Variants in NCKAP5 observed in about 807,000 individuals in gnomAD.
NCKAP5 encodes the protein NCK associated protein 5, also known as nck-associated protein 5.
Under a neutral mutation model 167.0 loss-of-function variants are expected in NCKAP5, and 92 were observed. The ratio of observed to expected loss-of-function variants is 0.55; its 90% CI spans 0.47 to 0.66. The LOEUF is 0.66. Ranked by LOEUF, NCKAP5 falls within the 30% of genes least tolerant of loss-of-function variation. The pLI is 0.00. For missense variants in NCKAP5, 2,378 were observed against 2,315.0 expected, an observed-to-expected ratio of 1.03 and a Z score of -0.56; for synonymous variants, 891 against 877.4, an observed-to-expected ratio of 1.02 and a Z score of -0.27.
intron 19 of NCKAP5, among the ~76,000 whole-genome samples, chr2:132,725,372 G>A (rs1053127937): frequency 6.6e-6 from 1 of 152,184 alleles, no homozygotes; most frequent in Non-Finnish European, 1.5e-5. Context: ...TAACTCAATT[G>A]GAGGCTGTTT....
chr2:132,947,953 C>A (rs1296683075), intron 8 of NCKAP5, among the ~76,000 whole-genome samples: 1 of 152,110 alleles, frequency 6.6e-6, no homozygotes. Flanking sequence ...AAACTTACTA[C>A]CCAAACTCAA....
chr2:133,137,406 T>TTGTGTGTGTGTGTGTGTGTGTG (rs58955655), intron 5 of NCKAP5, among the ~76,000 whole-genome samples: 24 of 136,302 alleles, frequency 1.8e-4, no homozygotes, highest in Non-Finnish European at 3.5e-4. Flanking sequence ...GAGCTTGGTT[T>TTGTGTGTGTGTGTGTGTGTGTG]TGTGTGTGTG....
At chr2:132,689,271 G>T (rs1686407446) in intron 19 of NCKAP5, among the ~76,000 whole-genome samples, 1 of 152,134 alleles carries the variant, frequency 6.6e-6, no homozygotes, top group Admixed American at 6.5e-5. Flanking sequence ...AGGATGAAGG[G>T]GTCAAGGGGA....
intron 12 of NCKAP5, among the ~76,000 whole-genome samples, chr2:132,796,004 A>G (rs962020153): frequency 1.3e-5 from 2 of 152,044 alleles, no homozygotes; most frequent in Non-Finnish European, 2.9e-5. Flanking sequence ...CTGAAATTCA[A>G]TTCAAATCTA....
At chr2:133,376,764 TG>T (rs1220941353) in intron 3 of NCKAP5, among the ~76,000 whole-genome samples, 1 of 152,174 alleles carries the variant, frequency 6.6e-6, no homozygotes, top group African/African-American at 2.4e-5. Context: ...TTGATCACAC[TG>T]GGACTAGAAA....
chr2:133,604,781 T>C, the NCKAP5 span, among the ~76,000 whole-genome samples: 2 of 152,192 alleles, frequency 1.3e-5, no homozygotes, highest in Non-Finnish European at 2.9e-5. Flanking sequence ...CGAGTAGGGC[T>C]AAGACCGGCT....
At position 132,731,899 on chromosome 2, in the gene NCKAP5, C is replaced by T. The variant is rs776846485; in HGVS notation, c.5281G>A (p.Val1761Ile). 1.2e-6 allele frequency: 2 copies of T among 1,613,908 alleles called. No homozygotes were observed. Among genetic ancestry groups the T allele is most frequent in the Admixed American group, 1.7e-5 (1 of 60,018 alleles). The change falls in exon 17 of 20, where the codon GTT becomes ATT. Residue 1761 changes from valine (V) to isoleucine (I), a missense_variant. This residue lies in a region of NCKAP5 where 1,325 missense variants were observed against 1,274.5 expected (regional missense o/e 1.04). Transcript: ENST00000409261. The stretch of plus-strand genomic sequence containing the variant: ...AGGGTTTGGGCTCTCATGGAAGAAA[C>T]TGCAGAAAGGGCTGACTGGAGAGGC... ...LLPLQSALSAVSSMRAQTLER... is the reference protein window; with the variant it reads ...LLPLQSALSAISSMRAQTLER...
intron 4 of NCKAP5, among the ~76,000 whole-genome samples, chr2:133,251,668 T>G (rs1235122012): frequency 6.6e-6 from 1 of 152,194 alleles, no homozygotes; most frequent in Non-Finnish European, 1.5e-5. Flanking sequence ...GATGTGAAGA[T>G]GAGAAAAGCC....
intron 6 of NCKAP5, among the ~76,000 whole-genome samples, chr2:133,084,083 G>A (rs1427882283): frequency 6.6e-6 from 1 of 152,104 alleles, no homozygotes; most frequent in Admixed American, 6.5e-5. Context: ...CGTGGCAGAG[G>A]CTACAGTGTT....
chr2:133,545,780 C>T (rs1686609555), intron 2 of NCKAP5, among the ~76,000 whole-genome samples: 1 of 152,102 alleles, frequency 6.6e-6, no homozygotes, highest in Non-Finnish European at 1.5e-5. Context: ...AGGCAGGATT[C>T]GACAGTCCAA....
intron 5 of NCKAP5, among the ~76,000 whole-genome samples, chr2:133,184,017 A>C (rs925410256): frequency 6.6e-6 from 1 of 151,950 alleles, no homozygotes; most frequent in Non-Finnish European, 1.5e-5. Flanking sequence ...GGGTTTTTAC[A>C]TGGGCATATT....
chr2:132,746,367 C>A (rs1175875690), intron 16 of NCKAP5, among the ~76,000 whole-genome samples: 1 of 151,856 alleles, frequency 6.6e-6, no homozygotes, highest in African/African-American at 2.4e-5. Context: ...AAAGTAAACC[C>A]TTTTCTCACA....
chr2:133,359,784 A>AT (rs1321104667), intron 3 of NCKAP5, among the ~76,000 whole-genome samples: 4 of 152,220 alleles, frequency 2.6e-5, no homozygotes, highest in African/African-American at 4.8e-5. Context: ...CACTAATACT[A>AT]TATATTTGGC....
At chr2:133,550,366 G>A (rs1303426758) in intron 2 of NCKAP5, among the ~76,000 whole-genome samples, 4 of 151,260 alleles carry the variant, frequency 2.6e-5, no homozygotes, top group African/African-American at 4.9e-5. Flanking sequence ...CTGGCAAAAC[G>A]AATCCAGCAG....
intron 16 of NCKAP5, among the ~76,000 whole-genome samples, chr2:132,763,882 C>T (rs1681224197): frequency 6.6e-6 from 1 of 152,046 alleles, no homozygotes; most frequent in African/African-American, 2.4e-5. Context: ...TTTGTATGCC[C>T]CGAAGCTGAT....
At chr2:133,480,095 C>T (rs1052027672) in intron 3 of NCKAP5, among the ~76,000 whole-genome samples, 2 of 151,978 alleles carry the variant, frequency 1.3e-5, no homozygotes, top group African/African-American at 2.4e-5. Flanking sequence ...CCATGCCCGG[C>T]TAATTTTTGT....
chr2:133,255,393 G>T (rs548413531), intron 4 of NCKAP5, among the ~76,000 whole-genome samples: 1 of 152,082 alleles, frequency 6.6e-6, no homozygotes, highest in East Asian at 1.9e-4. Flanking sequence ...TAATATTTTT[G>T]GAAGCAAAGC....
rs555213573 is a variant in NCKAP5 at position 132,905,036 on chromosome 2, T to C, written c.580-26120A>G. On this transcript the variant is annotated intron_variant, in intron 8 of 19. Transcript: ENST00000409261. ...TTGATTTTGTAATCAAAAAGTCCTT[T>C]TCCCACCCGAGCAAACTTAAATAGC... is the stretch of plus-strand genomic sequence containing the variant. 1.4e-4 allele frequency among the ~76,000 whole-genome samples: 22 copies of C among 152,320 alleles called. No homozygotes were observed. In the South Asian group the frequency reaches 4.3e-3, roughly 30 times the overall value.
At chr2:132,768,960 T>A (rs1574138557) in intron 16 of NCKAP5, among the ~76,000 whole-genome samples, 2 of 130,302 alleles carry the variant, frequency 1.5e-5, no homozygotes, top group African/African-American at 3.2e-5. Flanking sequence ...TTTTTTTTTT[T>A]ATGAGGCAGG....
Sources: allele counts gnomAD v4.1 joint callset (sites outside exome capture counted in the v4.1 genomes callset), GRCh38; gene constraint gnomAD v4.1.1; regional missense constraint gnomAD v4.1.1; transcripts MANE v1.5; gene names NCBI Gene and HGNC (gene_info 2026-07-23, HGNC 2026-07-21).